The following GRIK1 variants were observed in gnomAD, a reference collection of about 807,000 sequenced individuals.
GRIK1 encodes glutamate ionotropic receptor kainate type subunit 1.
A neutral mutation model predicts 105.7 loss-of-function variants in GRIK1; 69 were observed. That is an observed-to-expected ratio of 0.65 (90% CI 0.54 to 0.80). The LOEUF is 0.80. Among genes scored for constraint, GRIK1 ranks in the 30% least tolerant of loss-of-function variants. The pLI is 0.00. For synonymous variants in GRIK1, 438 were observed against 431.3 expected (o/e 1.02, Z -0.19); for missense variants, 1,109 against 1,167.3 (o/e 0.95, Z 0.73).
At chr21:29,771,322 A>G (rs1229224582) in intron 1 of GRIK1, among the ~76,000 whole-genome samples, 1 of 152,224 alleles carries the variant, frequency 6.6e-6, no homozygotes, top group African/African-American at 2.4e-5. Flanking sequence ...GGGATTCACT[A>G]CTGTTAATAA....
At chr21:29,704,110 T>C (rs1033616975) in intron 1 of GRIK1, among the ~76,000 whole-genome samples, 5 of 152,222 alleles carry the variant, frequency 3.3e-5, no homozygotes, top group African/African-American at 1.2e-4. Flanking sequence ...CTTATTCCAG[T>C]GTTATTCAAC....
intron 1 of GRIK1, among the ~76,000 whole-genome samples, chr21:29,744,641 G>T (rs2065007237): frequency 6.6e-6 from 1 of 151,036 alleles, no homozygotes; most frequent in Non-Finnish European, 1.5e-5. Flanking sequence ...CCTTCATTCA[G>T]GTCTCAGGAT....
rs773718299 is a variant in GRIK1, at chr21:29,642,883, C to T, written c.1041G>A (p.Gln347=). The T allele has an allele frequency of 3.7e-6, 6 of 1,614,046 alleles. No individual in the cohort carries two copies. Among genetic ancestry groups the T allele is most frequent in the Non-Finnish European group, 4.2e-6 (5 of 1,179,924 alleles). ...RASQLTVSSL[Q]CHRHKPWRLG... ...GGCGCCATGGCTTATGTCTATGGCACTGCAGGGAGCTGACGGTCAGCTGGG... is the reference window on the plus strand; with the variant it reads ...GGCGCCATGGCTTATGTCTATGGCATTGCAGGGAGCTGACGGTCAGCTGGG... The change falls in exon 7 of 18, where the codon CAG becomes CAA. Residue 347 remains glutamine, a synonymous_variant. Coordinates refer to ENST00000327783, the MANE Select transcript of GRIK1 (RefSeq NM_001330994.2).
At chr21:29,936,052 A>G (rs533978222) in intron 1 of GRIK1, among the ~76,000 whole-genome samples, 2 of 152,336 alleles carry the variant, frequency 1.3e-5, no homozygotes, top group Admixed American at 1.3e-4. Context: ...TTTTAATTCA[A>G]TTTATCAGAT....
intron 1 of GRIK1, among the ~76,000 whole-genome samples, chr21:29,715,917 C>T (rs1326534858): frequency 6.6e-6 from 1 of 151,976 alleles, no homozygotes; most frequent in Admixed American, 6.6e-5. Flanking sequence ...GCTATGTCCC[C>T]ACCCATATCT....
chr21:29,595,690 T>C (rs2061399786), intron 9 of GRIK1, among the ~76,000 whole-genome samples: 1 of 151,994 alleles, frequency 6.6e-6, no homozygotes, highest in African/African-American at 2.4e-5. Flanking sequence ...CATAGATTTT[T>C]TTTACCAAGT....
intron 1 of GRIK1, among the ~76,000 whole-genome samples, chr21:29,707,057 G>A (rs2063924981): frequency 6.6e-6 from 1 of 152,124 alleles, no homozygotes; most frequent in South Asian, 2.1e-4. Flanking sequence ...GTAGAGACAG[G>A]GTTTCACCAT....
rs151068496 is a variant in GRIK1, at chr21:29,652,756, G to T, written c.781-1465C>A. The stretch of plus-strand genomic sequence containing the variant: ...TAACAGGAAAAATACTTCCATAAAA[G>T]TTTCTTAACAATGCAACCGCTTTCT... On this transcript the variant is annotated intron_variant, in intron 5 of 17. Coordinates refer to ENST00000327783, the MANE Select transcript of GRIK1 (RefSeq NM_001330994.2). 1.6e-3 allele frequency among the ~76,000 whole-genome samples: 251 copies of T among 152,240 alleles called. 1 individual carries two copies. The highest frequency in any genetic ancestry group is 5.6e-3 in the African/African-American group (231 of 41,554).
chr21:29,794,199 T>G (rs567413350), intron 1 of GRIK1, among the ~76,000 whole-genome samples: 1 of 152,212 alleles, frequency 6.6e-6, no homozygotes, highest in South Asian at 2.1e-4. Context: ...CATTTCATAA[T>G]GATCAAATGA....
intron 1 of GRIK1, among the ~76,000 whole-genome samples, chr21:29,808,167 C>T (rs1408525719): frequency 6.6e-6 from 1 of 152,064 alleles, no homozygotes; most frequent in Non-Finnish European, 1.5e-5. Context: ...GTTTTGTTTT[C>T]AAGTCGGGTC....
intron 1 of GRIK1, among the ~76,000 whole-genome samples, chr21:29,912,862 C>T (rs1301541145): frequency 6.6e-6 from 1 of 151,992 alleles, no homozygotes; most frequent in Non-Finnish European, 1.5e-5. Flanking sequence ...CAAGTAATAG[C>T]TACTTATCTA....
chr21:29,868,944 T>A (rs1262526082), intron 1 of GRIK1, among the ~76,000 whole-genome samples: 2 of 152,204 alleles, frequency 1.3e-5, no homozygotes, highest in Non-Finnish European at 2.9e-5. Flanking sequence ...GTTTCCATGG[T>A]AAGTCCATAA....
chr21:29,649,784 A>G (rs1385396384), intron 6 of GRIK1, among the ~76,000 whole-genome samples: 1 of 152,112 alleles, frequency 6.6e-6, no homozygotes, highest in Admixed American at 6.5e-5. Flanking sequence ...ACATAGCTTC[A>G]AACTGTAACT....
At chr21:29,600,431 A>G (rs746472649) in intron 7 of GRIK1, among the ~76,000 whole-genome samples, 6 of 152,206 alleles carry the variant, frequency 3.9e-5, no homozygotes, top group Admixed American at 2.6e-4. Flanking sequence ...TTCAGCTTCA[A>G]TCATTAGGTG....
chr21:29,679,650 G>T (rs770258860), intron 3 of GRIK1, among the ~76,000 whole-genome samples: 11 of 152,098 alleles, frequency 7.2e-5, no homozygotes, highest in Non-Finnish European at 1.2e-4. Context: ...CCTGTTTCAG[G>T]TAATGACAAC....
intron 1 of GRIK1, among the ~76,000 whole-genome samples, chr21:29,856,711 T>A (rs1265643604): frequency 6.6e-6 from 1 of 152,212 alleles, no homozygotes; most frequent in Non-Finnish European, 1.5e-5. Context: ...ATCAATAATT[T>A]ATTTTCAGAT....
intron 1 of GRIK1, among the ~76,000 whole-genome samples, chr21:29,902,138 A>G (rs1048885446): frequency 5.3e-5 from 8 of 152,178 alleles, no homozygotes; most frequent in African/African-American, 1.7e-4. Flanking sequence ...GTGTTGGTGG[A>G]ATGTATCTCA....
intron 16 of GRIK1, among the ~76,000 whole-genome samples, chr21:29,552,053 A>G (rs1433610730): frequency 7.9e-5 from 12 of 152,162 alleles, no homozygotes; most frequent in Non-Finnish European, 1.0e-4. Context: ...CAATCAGGAT[A>G]AGAATCAACT....
At chr21:29,890,379 C>G (rs1053207203) in intron 1 of GRIK1, among the ~76,000 whole-genome samples, 1 of 152,056 alleles carries the variant, frequency 6.6e-6, no homozygotes, top group Non-Finnish European at 1.5e-5. Context: ...TTTTCAAGTG[C>G]TTTAGTTTTG....
Sources: gnomAD v4.1 joint callset for allele counts (sites outside exome capture counted in the v4.1 genomes callset) on GRCh38, gnomAD v4.1.1 for gene constraint, MANE v1.5 for transcripts, NCBI Gene and HGNC (gene_info 2026-07-23, HGNC 2026-07-21) for gene names.